Variants in ERCC6L2 observed in about 807,000 individuals in gnomAD.
ERCC6L2 encodes the protein DNA excision repair protein ERCC-6-like 2.
ERCC6L2 carries 77 observed loss-of-function variants against 132.0 expected under a neutral mutation model. The ratio of observed to expected loss-of-function variants is 0.58; its 90% CI spans 0.49 to 0.71. The LOEUF (loss-of-function observed/expected upper bound fraction) is 0.71. ERCC6L2 is among the 30% of genes least tolerant of loss of function. The pLI, the probability that ERCC6L2 is intolerant of heterozygous loss-of-function variation, is 0.00. For synonymous variants in ERCC6L2, 583 were observed against 632.4 expected (o/e 0.92, Z 1.17); for missense variants, 1,542 against 1,837.6 (o/e 0.84, Z 2.94).
chr9:95,981,100 A>G (rs1295957640), intron 17 of ERCC6L2, among the ~76,000 whole-genome samples: 1 of 152,220 alleles, frequency 6.6e-6, no homozygotes, highest in African/African-American at 2.4e-5. Context: ...AACAGTTGCC[A>G]CAGTGTACCA....
intron 17 of ERCC6L2, among the ~76,000 whole-genome samples, chr9:95,999,669 G>C (rs1177608183): frequency 6.6e-6 from 1 of 151,876 alleles, no homozygotes; most frequent in African/African-American, 2.4e-5. Flanking sequence ...TATTGGCCCA[G>C]TTCCTTCTCT....
chr9:95,888,882 A>G (rs560128489), intron 2 of ERCC6L2, among the ~76,000 whole-genome samples: 1 of 152,284 alleles, frequency 6.6e-6, no homozygotes, highest in Admixed American at 6.5e-5. Context: ...CACAATACCT[A>G]TTAGTATATT....
chr9:95,964,072 T>G (rs1361731868), intron 13 of ERCC6L2, among the ~76,000 whole-genome samples: 1 of 152,150 alleles, frequency 6.6e-6, no homozygotes, highest in Non-Finnish European at 1.5e-5. Context: ...TAACCCTTAG[T>G]GTTCATTCGT....
intron 14 of ERCC6L2, chr9:95,967,664 A>G (rs1166102421): frequency 6.6e-6 from 1 of 152,168 alleles, no homozygotes; most frequent in African/African-American, 2.4e-5. Context: ...TGTTACTATT[A>G]TACAGTTTCT....
At chr9:95,960,014 C>A (rs1160588246) in intron 13 of ERCC6L2, among the ~76,000 whole-genome samples, 1 of 152,080 alleles carries the variant, frequency 6.6e-6, no homozygotes, top group African/African-American at 2.4e-5. Flanking sequence ...GATGGTGTAA[C>A]AAGACGGTTT....
At chr9:95,917,818 G>A (rs1276279294) in intron 6 of ERCC6L2, among the ~76,000 whole-genome samples, 4 of 152,128 alleles carry the variant, frequency 2.6e-5, no homozygotes, top group Non-Finnish European at 5.9e-5. Context: ...TCTGTTAAAT[G>A]GTAGTGATGA....
intron 18 of ERCC6L2, among the ~76,000 whole-genome samples, chr9:96,008,149 CT>C (rs1833919961): frequency 6.6e-6 from 1 of 152,104 alleles, no homozygotes; most frequent in Non-Finnish European, 1.5e-5. Flanking sequence ...GACCATATAC[CT>C]TTTTTTCCCT....
downstream of ERCC6L2, among the ~76,000 whole-genome samples, chr9:96,022,229 C>T (rs1362495478): frequency 6.6e-6 from 1 of 152,236 alleles, no homozygotes; most frequent in East Asian, 1.9e-4. Flanking sequence ...CTCCTCCCTC[C>T]CTAATCCATT....
intron 17 of ERCC6L2, among the ~76,000 whole-genome samples, chr9:96,001,899 C>T (rs1010968736): frequency 5.9e-5 from 9 of 152,364 alleles, no homozygotes; most frequent in African/African-American, 7.2e-5. Flanking sequence ...AGAAATCGAG[C>T]GTAGCACCAG....
intron 14 of ERCC6L2, 67 bp from the exon 15 acceptor site, chr9:95,970,509 G>A: frequency 1.0e-6 from 1 of 959,260 alleles, no homozygotes. Flanking sequence ...CATTGCTGTT[G>A]TTTATCTGGT....
intron 19 of ERCC6L2, among the ~76,000 whole-genome samples, chr9:96,029,630 C>T (rs1834429135): frequency 6.6e-6 from 1 of 151,988 alleles, no homozygotes; most frequent in South Asian, 2.1e-4. Flanking sequence ...GTGTTGATTT[C>T]AGGACCAATA....
At chr9:95,898,236 A>T (rs1400162373) in intron 3 of ERCC6L2, among the ~76,000 whole-genome samples, 1 of 152,068 alleles carries the variant, frequency 6.6e-6, no homozygotes, top group African/African-American at 2.4e-5. Context: ...GGTTGGCTGG[A>T]TTTACATGAT....
chr9:96,007,408 TG>T (rs916207964), intron 18 of ERCC6L2, among the ~76,000 whole-genome samples: 4 of 152,010 alleles, frequency 2.6e-5, no homozygotes, highest in Non-Finnish European at 5.9e-5. Flanking sequence ...TGGCAAGAGA[TG>T]GGGTGGGAAG....
intron 3 of ERCC6L2, chr9:95,906,443 T>C (rs1288657171): frequency 3.2e-6 from 1 of 314,820 alleles, no homozygotes; most frequent in Non-Finnish European, 6.2e-6. Context: ...GTATGAGGGG[T>C]TTTTTTGGAG....
chr9:95,957,408 A>ATTT (rs34977945), intron 13 of ERCC6L2, among the ~76,000 whole-genome samples: 28 of 136,928 alleles, frequency 2.0e-4, no homozygotes, highest in African/African-American at 7.1e-4. Flanking sequence ...TAAACAGTTC[A>ATTT]TTTTTTTTTT....
intron 17 of ERCC6L2, among the ~76,000 whole-genome samples, chr9:95,994,067 C>A (rs1369549668): frequency 6.6e-6 from 1 of 152,174 alleles, no homozygotes; most frequent in Non-Finnish European, 1.5e-5. Context: ...TTTTCTATCT[C>A]CAGGCACAAA....
At chr9:96,008,875 CT>C (rs1480944157) in intron 18 of ERCC6L2, among the ~76,000 whole-genome samples, 1 of 152,198 alleles carries the variant, frequency 6.6e-6, no homozygotes, top group African/African-American at 2.4e-5. Context: ...AGCACTGAAT[CT>C]TTTGTTTATC....
chr9:95,907,857 C>CACACAAACACACACA, intron 4 of ERCC6L2, among the ~76,000 whole-genome samples: 1 of 133,738 alleles, frequency 7.5e-6, no homozygotes, highest in Non-Finnish European at 1.6e-5. Flanking sequence ...ACACACACAC[C>CACACAAACACACACA]CCCACACCCA....
At chr9:96,002,952 GAT>G (rs1043638737) in intron 17 of ERCC6L2, among the ~76,000 whole-genome samples, 3 of 151,892 alleles carry the variant, frequency 2.0e-5, no homozygotes, top group African/African-American at 7.3e-5. Flanking sequence ...TAGAAACTTT[GAT>G]ATGTCTTCTG....
Sources: allele counts gnomAD v4.1 joint callset (sites outside exome capture counted in the v4.1 genomes callset), GRCh38; gene constraint gnomAD v4.1.1; transcripts MANE v1.5; gene names NCBI Gene and HGNC (gene_info 2026-07-23, HGNC 2026-07-21).